ATP5IF1: variants seen among roughly 807,000 people sequenced by gnomAD.
ATP5IF1 encodes ATP synthase inhibitory factor subunit 1.
ATP5IF1 carries 12 observed loss-of-function variants against 8.5 expected under a neutral mutation model. That is an observed-to-expected ratio of 1.41 (90% CI 0.90 to 2.28). The LOEUF is 2.28. Among genes scored for constraint, ATP5IF1 ranks in the 30% most tolerant of loss-of-function variants. The pLI, the probability that ATP5IF1 is intolerant of heterozygous loss-of-function variation, is 0.00. For missense variants in ATP5IF1, 154 were observed against 140.2 expected (o/e 1.10, Z -0.50); for synonymous variants, 51 against 53.4 (o/e 0.96, Z 0.19).
intron 2 of ATP5IF1, chr1:28,237,251 C>T (rs1647045418): frequency 2.0e-6 from 2 of 994,980 alleles, no homozygotes; most frequent in Non-Finnish European, 1.2e-6. Context: ...AGCCAAGGTA[C>T]AGCCGTTAGA....
chr1:28,236,415 GGAAA>G lies in ATP5IF1; in HGVS notation c.145_148del (p.Lys49GlufsTer21). On this transcript the variant is annotated frameshift_variant, in exon 2 of 3. Coordinates refer to ENST00000335514, the MANE Select transcript of ATP5IF1 (RefSeq NM_016311.5). LOFTEE classifies it high-confidence loss of function. ...CATCCGGGAAGCCGGTGGGGCCTTC[GGAAA>G]GAGAGAGCAGGCTGAAGAGGAACGA... 6.2e-7 allele frequency: 1 copy of G among 1,614,194 alleles called. No individual in the cohort carries two copies. Among genetic ancestry groups the G allele is most frequent in the Non-Finnish European group, 8.5e-7 (1 of 1,180,034 alleles).
Position 28,237,845 on chromosome 1 carries a change from GT to G in ATP5IF1, c.189del (p.Ser63ArgfsTer8). 6.2e-7 allele frequency: 1 copy of G among 1,614,188 alleles called. No homozygotes were observed. Among genetic ancestry groups the G allele is most frequent in the Non-Finnish European group, 8.5e-7 (1 of 1,180,042 alleles). ...CCACCGTGTCCTTGTAGAGCACAGA[GT>G]AGAGAACAACTGGCAGCTTTGAAAA... ...AEEERYFRAQ[S>X]REQLAALKKH... On this transcript the variant is annotated frameshift_variant, in exon 3 of 3. Transcript: ENST00000335514. LOFTEE classifies it high-confidence loss of function.
chr1:28,236,513 A>C (rs754964494), intron 2 of ATP5IF1, 61 bp downstream of exon 2: 1 of 1,611,526 alleles, frequency 6.2e-7, no homozygotes. Flanking sequence ...CAATCCTTAA[A>C]CTGCCAATCG....
Position 28,236,150 on chromosome 1 carries a change from C to CG in ATP5IF1, c.-32dup, listed in dbSNP as rs1647031489. On this transcript the variant is annotated 5_prime_UTR_variant, in exon 1 of 3. Coordinates refer to ENST00000335514, the MANE Select transcript of ATP5IF1 (RefSeq NM_016311.5). ...GCGCGTAACGAGAGACTGCTTGCTG[C>CG]GGCAGAGACGCCAGAGGTGCAGCTC... is the stretch of plus-strand genomic sequence containing the variant. 1 of 1,607,856 alleles carries CG rather than the reference C, an allele frequency of 6.2e-7. No individual in the cohort carries two copies. Among genetic ancestry groups the CG allele is most frequent in the Non-Finnish European group, 8.5e-7 (1 of 1,179,370 alleles).
intron 2 of ATP5IF1, chr1:28,236,851 C>G (rs1251208445): frequency 8.6e-7 from 1 of 1,163,990 alleles, no homozygotes; most frequent in African/African-American, 1.6e-5. Flanking sequence ...CCCTTACCCA[C>G]CTGTCACCCC....
rs747992176 is a variant in ATP5IF1 at position 28,236,363 on chromosome 1, C to G, written c.90C>G (p.Ser30=). The G allele has an allele frequency of 1.3e-5, 21 of 1,614,222 alleles. No homozygotes were observed. Among genetic ancestry groups the G allele is most frequent in the Non-Finnish European group, 1.8e-5 (21 of 1,180,044 alleles). The change falls in exon 2 of 3, where the codon TCC becomes TCG. Residue 30 remains serine, a splice_region_variant and synonymous_variant. Coordinates refer to ENST00000335514, the MANE Select transcript of ATP5IF1 (RefSeq NM_016311.5). ...MQARGFGSDQ[S]ENVDRGAGSI... is the part of the protein sequence containing the mutation. Reference sequence around the variant, plus strand: ...CCAGTGTCCCTGTCTCTCTGCAGTCCGAGAATGTCGACCGGGGCGCGGGCT... The same window carrying G: ...CCAGTGTCCCTGTCTCTCTGCAGTCGGAGAATGTCGACCGGGGCGCGGGCT...
intron 2 of ATP5IF1, chr1:28,237,441 C>T: frequency 1.7e-6 from 2 of 1,206,840 alleles, no homozygotes; most frequent in South Asian, 2.1e-5. Flanking sequence ...GCAAAGAAAG[C>T]TCTAGACAGA....
At position 28,237,993 on chromosome 1, in the gene ATP5IF1, C is replaced by A. The variant is rs1647054224; in HGVS notation, c.*15C>A. The A allele has an allele frequency of 1.9e-6, 3 of 1,602,610 alleles. No individual in the cohort carries two copies. The highest frequency in any genetic ancestry group is 2.5e-6 in the Non-Finnish European group (3 of 1,177,478). On this transcript the variant is annotated 3_prime_UTR_variant, in exon 3 of 3. Transcript: ENST00000335514. Reference sequence around the variant, plus strand: ...ATGATGATTAAGTGCACACCGTGTGCCATAGAATGGCACATGTCATTGCCC... The same window carrying A: ...ATGATGATTAAGTGCACACCGTGTGACATAGAATGGCACATGTCATTGCCC...
intron 2 of ATP5IF1, chr1:28,236,707 C>G: frequency 7.1e-7 from 1 of 1,408,694 alleles, no homozygotes; most frequent in Non-Finnish European, 9.3e-7. Flanking sequence ...AAACAACCCA[C>G]GGCTCAACTC....
Position 28,237,957 on chromosome 1 carries a change from A to C in ATP5IF1, c.300A>C (p.Lys100Asn). The C allele has an allele frequency of 6.2e-7, 1 of 1,612,324 alleles. No homozygotes were observed. Among genetic ancestry groups the C allele is most frequent in the Non-Finnish European group, 8.5e-7 (1 of 1,179,970 alleles). ...KEIERHKQKI[K>N]MLKHDD ...TTGAGCGCCATAAGCAGAAGATCAA[A>C]ATGCTAAAACATGATGATTAAGTGC... Residue 100 changes from lysine to asparagine, a missense_variant, in exon 3 of 3, where the codon AAA becomes AAC. Lys to Asn is a moderately conservative substitution (Grantham distance 94, BLOSUM62 0). Transcript: ENST00000335514.
intron 2 of ATP5IF1, chr1:28,236,731 A>G: frequency 1.5e-6 from 2 of 1,358,336 alleles, no homozygotes; most frequent in Non-Finnish European, 1.9e-6. Flanking sequence ...CTTTATCATT[A>G]CCATCTCCCG....
Sources: gnomAD v4.1 joint callset for allele counts on GRCh38, gnomAD v4.1.1 for gene constraint, MANE v1.5 for transcripts, NCBI Gene and HGNC (gene_info 2026-07-23, HGNC 2026-07-21) for gene names.